Variants in ASAP2 observed in about 807,000 individuals in gnomAD.
ASAP2 encodes arf-GAP with SH3 domain, ANK repeat and PH domain-containing protein 2.
In ASAP2, 45 loss-of-function variants were observed where a neutral mutation model predicts 131.4. The observed-to-expected ratio is 0.34, with a 90% CI of 0.27 to 0.44. ASAP2 has a LOEUF of 0.44. Ranked by LOEUF, ASAP2 falls within the 20% of genes least tolerant of loss-of-function variation. ASAP2 has a pLI of 1.00. For missense variants in ASAP2, 1,011 were observed against 1,297.0 expected, an observed-to-expected ratio of 0.78 and a Z score of 3.39; for synonymous variants, 510 against 503.0, an observed-to-expected ratio of 1.01 and a Z score of -0.19.
chr2:9,359,256 G>GC (rs1672930870), intron 15 of ASAP2, among the ~76,000 whole-genome samples: 1 of 152,230 alleles, frequency 6.6e-6, no homozygotes, highest in Admixed American at 6.5e-5. Context: ...CTTATCACCA[G>GC]CGATTTCTGA....
intron 22 of ASAP2, among the ~76,000 whole-genome samples, chr2:9,390,297 G>A (rs1675617183): frequency 6.6e-6 from 1 of 152,192 alleles, no homozygotes; most frequent in African/African-American, 2.4e-5. Flanking sequence ...CCTTGCATTT[G>A]GGGCGGACCT....
intron 2 of ASAP2, among the ~76,000 whole-genome samples, chr2:9,289,402 A>G (rs1233134696): frequency 1.3e-5 from 2 of 152,166 alleles, no homozygotes; most frequent in Non-Finnish European, 2.9e-5. Context: ...CTTGCTGGAG[A>G]ATAGACTTTC....
intron 1 of ASAP2, among the ~76,000 whole-genome samples, chr2:9,208,426 T>TTTTTTTG (rs1320245503): frequency 5.3e-5 from 8 of 150,020 alleles, no homozygotes; most frequent in African/African-American, 2.0e-4. Context: ...TTTTTTTTTT[T>TTTTTTTG]CCCATTTGAA....
intron 21 of ASAP2, among the ~76,000 whole-genome samples, chr2:9,385,742 A>G (rs1168162081): frequency 1.3e-5 from 2 of 152,208 alleles, no homozygotes; most frequent in Non-Finnish European, 2.9e-5. Flanking sequence ...TTATAAAAAC[A>G]TCAACTGAAA....
intron 16 of ASAP2, 46 bp downstream of exon 16, chr2:9,368,565 C>G (rs1341000675): frequency 1.5e-5 from 23 of 1,565,628 alleles, no homozygotes; most frequent in Non-Finnish European, 2.0e-5. Flanking sequence ...AAAGGTTTGC[C>G]TTTGCCCGAG....
chr2:9,379,088 C>T (rs549949671), intron 19 of ASAP2, 29 bp downstream of exon 19: 1 of 1,452,040 alleles, frequency 6.9e-7, no homozygotes, highest in Admixed American at 2.3e-5. Context: ...CGGGGGTGGG[C>T]TCAGCTGCAC....
intron 9 of ASAP2, among the ~76,000 whole-genome samples, chr2:9,343,435 C>T (rs555633837): frequency 4.1e-4 from 62 of 152,082 alleles, no homozygotes; most frequent in Middle Eastern, 3.4e-3. Flanking sequence ...GTGTCTGCTA[C>T]TGTTTGTTTT....
chr2:9,308,298 G>A (rs1285722069), intron 3 of ASAP2, among the ~76,000 whole-genome samples: 1 of 152,182 alleles, frequency 6.6e-6, no homozygotes, highest in Non-Finnish European at 1.5e-5. Flanking sequence ...CCGTGGGCAG[G>A]GGCAAGAATG....
intron 1 of ASAP2, among the ~76,000 whole-genome samples, chr2:9,221,886 C>T (rs1423619455): frequency 3.3e-5 from 5 of 152,148 alleles, no homozygotes; most frequent in Non-Finnish European, 7.4e-5. Context: ...CTCTGCCTCC[C>T]AGGTTCACGC....
intron 1 of ASAP2, chr2:9,271,220 G>A (rs1666370968): frequency 3.1e-6 from 2 of 652,542 alleles, no homozygotes; most frequent in Non-Finnish European, 5.6e-6. Flanking sequence ...TGTGACAAGG[G>A]ACAGAAGGGA....
chr2:9,260,141 A>T (rs964042145), intron 1 of ASAP2, among the ~76,000 whole-genome samples: 1 of 152,256 alleles, frequency 6.6e-6, no homozygotes, highest in South Asian at 2.1e-4. Flanking sequence ...TGTCAAGGCA[A>T]CAATCACTGT....
chr2:9,376,759 AG>A, intron 17 of ASAP2, 148 bp from the exon 18 acceptor site: 1 of 674,618 alleles, frequency 1.5e-6, no homozygotes, highest in Non-Finnish European at 2.5e-6. Flanking sequence ...GAGCTTGTGT[AG>A]AGATTAAAGA....
At position 9,217,623 on chromosome 2, in the gene ASAP2, T is replaced by TTG. The variant is rs955545349; in HGVS notation, c.126+10394_126+10395insGT. Among the ~76,000 whole-genome samples, 11 of 151,888 alleles carry TTG rather than the reference T, an allele frequency of 7.2e-5. No homozygotes were observed. The highest frequency in any genetic ancestry group is 2.7e-4 in the African/African-American group (11 of 41,398). On this transcript the variant is annotated intron_variant, in intron 1 of 27. Transcript: ENST00000281419. This position sits in a 1 kb window ranked among gnomAD's most constrained non-coding sequence, Gnocchi z 4.0. ...TAGAGGTATGTTTTTGTTTTTTGTTTTTTTTTTTGAGACGGAGTCTTCGCT... is the reference window on the plus strand; with the variant it reads ...TAGAGGTATGTTTTTGTTTTTTGTTTTGTTTTTTTTGAGACGGAGTCTTCGCT...
chr2:9,274,907 T>G (rs1488919178), intron 1 of ASAP2, among the ~76,000 whole-genome samples: 1 of 152,164 alleles, frequency 6.6e-6, no homozygotes, highest in Non-Finnish European at 1.5e-5. Context: ...TGGTGACCTA[T>G]TTTTTCAAGA....
At chr2:9,345,360 A>G (rs908443885) in intron 11 of ASAP2, among the ~76,000 whole-genome samples, 13 of 152,194 alleles carry the variant, frequency 8.5e-5, no homozygotes, top group African/African-American at 2.9e-4. Context: ...GAGTCTATGC[A>G]AGAAAAAACG....
chr2:9,240,072 T>C (rs1218927874), intron 1 of ASAP2, among the ~76,000 whole-genome samples: 3 of 152,046 alleles, frequency 2.0e-5, no homozygotes, highest in African/African-American at 4.8e-5. Context: ...CTTAGAGCAA[T>C]GTAGATAAGA....
Position 9,297,421 on chromosome 2 carries a change from G to A in ASAP2, c.321G>A (p.Glu107=). 6.2e-7 allele frequency: 1 copy of A among 1,614,212 alleles called. No homozygotes were observed. The highest frequency in any genetic ancestry group is 8.5e-7 in the Non-Finnish European group (1 of 1,180,034). ...AFLKFSVFTK[E]LTALFKNLIQ... is the part of the protein sequence containing the mutation. ...TGAAGTTCTCAGTGTTTACAAAGGA[G>A]TTGACAGCACTTTTCAAAAACCTGG... The change falls in exon 3 of 28, where the codon GAG becomes GAA. Residue 107 remains glutamate (E), a synonymous_variant. Coordinates refer to ENST00000281419, the MANE Select transcript of ASAP2 (RefSeq NM_003887.3).
intron 9 of ASAP2, among the ~76,000 whole-genome samples, chr2:9,340,476 AG>A (rs1469571427): frequency 2.0e-5 from 3 of 152,232 alleles, no homozygotes; most frequent in Non-Finnish European, 4.4e-5. Flanking sequence ...AATGGAGAAT[AG>A]GTGGTAACGA....
At chr2:9,380,611 C>A in intron 19 of ASAP2, 130 bp from the exon 20 acceptor site, 2 of 849,192 alleles carry the variant, frequency 2.4e-6, no homozygotes, top group Non-Finnish European at 4.1e-6. Flanking sequence ...GTCAAACTCA[C>A]TGTGGATTTC....
Sources: gnomAD v4.1 joint callset for allele counts (sites outside exome capture counted in the v4.1 genomes callset) on GRCh38, gnomAD v4.1.1 for gene constraint, Gnocchi (gnomAD v3.1) non-coding constraint, MANE v1.5 for transcripts, NCBI Gene and HGNC (gene_info 2026-07-23, HGNC 2026-07-21) for gene names.